The following HUWE1 variants were observed in gnomAD, a reference collection of about 807,000 sequenced individuals.
The protein encoded by HUWE1 is HECT, UBA and WWE domain containing E3 ubiquitin protein ligase 1.
HUWE1 carries 18 observed loss-of-function variants against 299.4 expected under a neutral mutation model. The ratio of observed to expected loss-of-function variants is 0.06; its 90% confidence interval spans 0.04 to 0.09. The LOEUF is 0.09. HUWE1 is among the 10% of genes least tolerant of loss of function. The probability of loss-of-function intolerance (pLI) is 1.00; values close to 1 mark genes in which losing one functional copy is unlikely to be tolerated. For synonymous variants in HUWE1, 1,317 were observed against 1,286.1 expected (o/e 1.02, Z -0.51); for missense variants, 1,832 against 3,462.3 (o/e 0.53, Z 11.82).
At chrX:53,555,636 C>CTTT (rs1175050260) in intron 60 of HUWE1, among the ~76,000 whole-genome samples, 8 of 75,255 alleles carry the variant, frequency 1.1e-4, no homozygotes, top group African/African-American at 4.1e-4. Context: ...CCTTCAAAAT[C>CTTT]TTTTTTTTTT....
Position 53,649,767 on chromosome X carries a change from C to T in HUWE1, c.46-1457G>A, listed in dbSNP as rs782340990. The stretch of plus-strand genomic sequence containing the variant: ...GGGTCCAGCATCAAACGTGTTACTT[C>T]TATTTCTAATGGAATGCAGCTGTAC... On this transcript the variant is annotated intron_variant, in intron 4 of 83. Coordinates refer to ENST00000262854, the MANE Select transcript of HUWE1 (RefSeq NM_031407.7). Among the ~76,000 whole-genome samples, 90 of 112,202 alleles carry T rather than the reference C, an allele frequency of 8.0e-4. 2 individuals are homozygous for T. The South Asian group carries it at 0.033, about 41-fold the overall frequency.
chrX:53,585,214 T>C, intron 39 of HUWE1, 26 bp from the exon 40 acceptor site: 1 of 1,196,895 alleles, frequency 8.4e-7, no homozygotes, highest in Non-Finnish European at 1.1e-6. Flanking sequence ...CAAAGTTTCT[T>C]TGTATTTCTT....
At chrX:53,634,107 T>C (rs1557024749) in intron 8 of HUWE1, 129 bp downstream of exon 8, 4 of 554,865 alleles carry the variant, frequency 7.2e-6, no homozygotes, top group Non-Finnish European at 1.3e-5. Flanking sequence ...ATGTCTGAAC[T>C]GATCTTAGGT....
rs782782209 is a variant in HUWE1 at position 53,565,119 on chromosome X, C to A, written c.6828G>T (p.Glu2276Asp). Residue 2276 changes from glutamate to aspartate, a missense_variant, in exon 50 of 84, where the codon GAG (glutamate) becomes GAT (aspartate). Physicochemically the swap from Glu to Asp is conservative, Grantham distance 45. This residue lies in a region of HUWE1 where 26 missense variants were observed against 20.7 expected (regional missense o/e 1.26). Transcript: ENST00000262854. ...SKSASSKNKS[E>D]QDAQGASQDS... The stretch of plus-strand genomic sequence containing the variant: ...CTTGAGAGGCTCCTTGGGCATCCTG[C>A]TCAGACTTGTTCTTGCTAGAAGCAC... The A allele has an allele frequency of 2.5e-6, 3 of 1,211,868 alleles. No individual in the cohort carries two copies. The Admixed American group carries it at 6.5e-5, about 26-fold the overall frequency.
chrX:53,572,288 T>C (rs781900125), intron 47 of HUWE1, among the ~76,000 whole-genome samples: 157 of 111,208 alleles, frequency 1.4e-3, no homozygotes, highest in Middle Eastern at 0.014. Context: ...GAAGGTGAAA[T>C]GGGTGGGAGG....
intron 24 of HUWE1, among the ~76,000 whole-genome samples, chrX:53,608,194 C>CA (rs1439143968): frequency 9.0e-6 from 1 of 111,689 alleles, no homozygotes; most frequent in Non-Finnish European, 1.9e-5. Flanking sequence ...AATAAACACA[C>CA]AGGCACAAGA....
intron 74 of HUWE1, among the ~76,000 whole-genome samples, chrX:53,541,719 G>A (rs1556918677): frequency 9.0e-6 from 1 of 111,550 alleles, no homozygotes; most frequent in Admixed American, 9.5e-5. Flanking sequence ...AAAAAAATTA[G>A]CTGGGCATGG....
At chrX:53,555,429 G>T (rs2061958025) in intron 60 of HUWE1, among the ~76,000 whole-genome samples, 1 of 108,312 alleles carries the variant, frequency 9.2e-6, no homozygotes, top group Non-Finnish European at 1.9e-5. Context: ...GGGCTCAGGT[G>T]ATCTTCCCAC....
intron 74 of HUWE1, among the ~76,000 whole-genome samples, chrX:53,541,349 A>T (rs782168980): frequency 1.7e-4 from 19 of 111,569 alleles, no homozygotes; most frequent in Middle Eastern, 4.6e-3. Flanking sequence ...GCACTTTGGG[A>T]GGCCGAGGCA....
At chrX:53,594,430 G>A in intron 31 of HUWE1, 69 bp downstream of exon 31, 1 of 1,107,016 alleles carries the variant, frequency 9.0e-7, no homozygotes. Flanking sequence ...AAAAGCAGTG[G>A]GCTGGGAAGG....
intron 83 of HUWE1, chrX:53,533,635 C>T (rs1556908687): frequency 2.2e-6 from 1 of 449,021 alleles, no homozygotes; most frequent in African/African-American, 2.5e-5. Context: ...CCTCCTTAAA[C>T]ACCCTGGCCT....
rs1387125760 is a variant in HUWE1 at position 53,574,180 on chromosome X, T to C, written c.6098-216A>G. Among the ~76,000 whole-genome samples the C allele has an allele frequency of 3.6e-5, 4 of 112,364 alleles. No homozygotes were observed. In the Admixed American group the frequency reaches 3.8e-4, roughly 11 times the overall value. Reference sequence around the variant, plus strand: ...AACAGGGATGCTTTGTCCAACTATTTGTGCATCTCCCTCCATTTCCCTCCT... The same window carrying C: ...AACAGGGATGCTTTGTCCAACTATTCGTGCATCTCCCTCCATTTCCCTCCT... On this transcript the variant is annotated intron_variant, in intron 46 of 83. Coordinates refer to ENST00000262854, the MANE Select transcript of HUWE1 (RefSeq NM_031407.7).
At chrX:53,585,290 G>C (rs1556972299) in intron 39 of HUWE1, 102 bp from the exon 40 acceptor site, 1 of 799,165 alleles carries the variant, frequency 1.3e-6, no homozygotes, top group African/African-American at 2.0e-5. Flanking sequence ...CCAGGAAAAA[G>C]AAATATACTG....
intron 31 of HUWE1, 65 bp from the exon 32 acceptor site, chrX:53,593,666 T>A: frequency 1.2e-6 from 1 of 836,624 alleles, no homozygotes; most frequent in African/African-American, 2.0e-5. Flanking sequence ...GGGGTTTACA[T>A]CTAAAAGGTC....
chrX:53,591,158 C>T (rs1569476881), intron 33 of HUWE1, 36 bp from the exon 34 acceptor site: 7 of 1,199,018 alleles, frequency 5.8e-6, no homozygotes, highest in African/African-American at 1.7e-5. Flanking sequence ...AATCACATAA[C>T]GGAAATCCAA....
chrX:53,680,779 G>C (rs2070091472), intron 2 of HUWE1: 1 of 112,250 alleles, frequency 8.9e-6, no homozygotes, highest in Non-Finnish European at 1.9e-5. Context: ...AATTGAAATT[G>C]AGGTTTAATA....
chrX:53,632,006 T>C (rs782796812), intron 9 of HUWE1: 4 of 326,157 alleles, frequency 1.2e-5, no homozygotes, highest in Non-Finnish European at 2.3e-5. Context: ...GAAAGATTAT[T>C]TATTTATTGA....
intron 47 of HUWE1, among the ~76,000 whole-genome samples, chrX:53,573,528 G>C (rs1274664370): frequency 8.9e-6 from 1 of 112,203 alleles, no homozygotes; most frequent in African/African-American, 3.2e-5. Context: ...GGCTGATCTC[G>C]AACTCCTAAC....
At chrX:53,667,683 G>A (rs1028094405) in intron 3 of HUWE1, among the ~76,000 whole-genome samples, 2 of 111,814 alleles carry the variant, frequency 1.8e-5, no homozygotes, top group Non-Finnish European at 3.8e-5. Flanking sequence ...AGAAATACAA[G>A]AACAAACAAC....
Sources: gnomAD v4.1 joint callset for allele counts (sites outside exome capture counted in the v4.1 genomes callset) on GRCh38, gnomAD v4.1.1 for gene constraint, gnomAD v4.1.1 regional missense constraint, MANE v1.5 for transcripts, NCBI Gene and HGNC (gene_info 2026-07-23, HGNC 2026-07-21) for gene names.